Variants in GNAO1 observed in about 807,000 individuals in gnomAD.
GNAO1 encodes the protein G protein subunit alpha o1.
For missense variants in GNAO1, 166 were observed against 478.7 expected (o/e 0.35, Z 6.10); for synonymous variants, 164 against 180.7 (o/e 0.91, Z 0.74).
intron 2 of GNAO1, among the ~76,000 whole-genome samples, chr16:56,210,874 G>A (rs1596798557): frequency 6.6e-6 from 1 of 152,306 alleles, no homozygotes; most frequent in African/African-American, 2.4e-5. Context: ...TGTCTTCTCA[G>A]TCTCTGGTTA....
At chr16:56,234,898 G>C (rs544801420) in intron 2 of GNAO1, 2 of 179,880 alleles carry the variant, frequency 1.1e-5, no homozygotes, top group South Asian at 1.2e-4. Flanking sequence ...CTTTGGGGGT[G>C]GGCAGTGTGT....
intron 2 of GNAO1, among the ~76,000 whole-genome samples, chr16:56,219,409 C>A (rs1469678864): frequency 6.6e-6 from 1 of 152,142 alleles, no homozygotes; most frequent in Non-Finnish European, 1.5e-5. Flanking sequence ...CAAGGCACCC[C>A]ATTGCATCTC....
intron 2 of GNAO1, among the ~76,000 whole-genome samples, chr16:56,242,236 G>T (rs1325634724): frequency 1.3e-5 from 2 of 152,120 alleles, no homozygotes; most frequent in Admixed American, 6.5e-5. Context: ...AATATTTATT[G>T]AATATTCACC....
intron 3 of GNAO1, among the ~76,000 whole-genome samples, chr16:56,296,437 T>C (rs865946771): frequency 3.4e-4 from 51 of 152,176 alleles, no homozygotes; most frequent in Admixed American, 9.8e-4. Context: ...AGTTGAGTTA[T>C]AGTGGCCCTC....
intron 2 of GNAO1, among the ~76,000 whole-genome samples, chr16:56,237,163 T>C (rs1168035110): frequency 1.3e-5 from 2 of 152,234 alleles, no homozygotes; most frequent in Admixed American, 1.3e-4. Flanking sequence ...GTCTCTCTTA[T>C]AATTGTACAT....
At chr16:56,230,892 A>C (rs1264808675) in intron 2 of GNAO1, among the ~76,000 whole-genome samples, 2 of 152,212 alleles carry the variant, frequency 1.3e-5, no homozygotes, top group Non-Finnish European at 2.9e-5. Flanking sequence ...GCCCAGAGAC[A>C]GAAAGGGAGG....
intron 2 of GNAO1, among the ~76,000 whole-genome samples, chr16:56,225,641 G>A (rs1007733976): frequency 6.6e-6 from 1 of 152,072 alleles, no homozygotes; most frequent in Non-Finnish European, 1.5e-5. Flanking sequence ...TGGTGGATAG[G>A]GAATCAATAA....
At chr16:56,227,163 G>T (rs939109498) in intron 2 of GNAO1, among the ~76,000 whole-genome samples, 1 of 152,046 alleles carries the variant, frequency 6.6e-6, no homozygotes, top group African/African-American at 2.4e-5. Context: ...GTTTTTTAAA[G>T]AAAACAAGAA....
intron 2 of GNAO1, among the ~76,000 whole-genome samples, chr16:56,204,621 A>AAC (rs2036309198): frequency 3.3e-5 from 5 of 152,216 alleles, no homozygotes; most frequent in Non-Finnish European, 5.9e-5. Flanking sequence ...GGTGGCGAGC[A>AAC]GGGTTCTGTT....
chr16:56,310,159 A>G (rs1390682821), intron 3 of GNAO1, among the ~76,000 whole-genome samples: 1 of 151,856 alleles, frequency 6.6e-6, no homozygotes, highest in Non-Finnish European at 1.5e-5. Context: ...AAAAAAAAGA[A>G]AGAAAAAAAA....
At chr16:56,295,566 A>G (rs1314646201) in intron 3 of GNAO1, among the ~76,000 whole-genome samples, 1 of 152,018 alleles carries the variant, frequency 6.6e-6, no homozygotes, top group Non-Finnish European at 1.5e-5. Context: ...TCCACCTTTA[A>G]ATCGAAAGCA....
At chr16:56,193,108 C>G (rs1464399088) in intron 2 of GNAO1, 2 of 160,862 alleles carry the variant, frequency 1.2e-5, no homozygotes, top group African/African-American at 4.8e-5. Flanking sequence ...ATGGAGGGGA[C>G]CCAGCCCTAG....
At chr16:56,253,776 G>A (rs2036820994) in intron 2 of GNAO1, among the ~76,000 whole-genome samples, 1 of 152,242 alleles carries the variant, frequency 6.6e-6, no homozygotes, top group African/African-American at 2.4e-5. Context: ...TGGGGGACAT[G>A]TGGCAGCTTG....
intron 6 of GNAO1, chr16:56,344,699 A>G (rs2241953): frequency 0.71 from 695,830 of 985,364 alleles, 246,325 homozygotes; most frequent in African/African-American, 0.81. Context: ...CTCCTGTGTC[A>G]CCTGGGCTGG....
At chr16:56,270,441 CACACAT>C (rs1239618325) in intron 2 of GNAO1, 17 of 152,286 alleles carry the variant, frequency 1.1e-4, no homozygotes, top group African/African-American at 4.1e-4. Context: ...CACACACACA[CACACAT>C]AACACACACA....
intron 2 of GNAO1, among the ~76,000 whole-genome samples, chr16:56,252,562 A>T (rs2143459081): frequency 6.6e-6 from 1 of 152,298 alleles, no homozygotes; most frequent in African/African-American, 2.4e-5. Context: ...CCTCTGAGGA[A>T]TCTTCTAATA....
chr16:56,335,161 A>C (rs2037728540), intron 5 of GNAO1, among the ~76,000 whole-genome samples: 1 of 152,158 alleles, frequency 6.6e-6, no homozygotes, highest in Non-Finnish European at 1.5e-5. Flanking sequence ...GAGGTGGGCT[A>C]CCAGGGGGCC....
intron 2 of GNAO1, among the ~76,000 whole-genome samples, chr16:56,222,811 T>A (rs1373981344): frequency 6.6e-6 from 1 of 152,174 alleles, no homozygotes; most frequent in Non-Finnish European, 1.5e-5. Context: ...GTGACACGGC[T>A]TTGCTGCTAG....
chr16:56,267,840 A>G lies in GNAO1; in HGVS notation c.162-8091A>G, dbSNP rs114198926. Among the ~76,000 whole-genome samples the G allele has an allele frequency of 6.8e-3, 1,037 of 152,330 alleles. 13 individuals carry two copies. Among genetic ancestry groups the G allele is most frequent in the African/African-American group, 0.024 (1,002 of 41,562 alleles). On this transcript the variant is annotated intron_variant, in intron 2 of 8. Coordinates refer to ENST00000262493, the MANE Select transcript of GNAO1 (RefSeq NM_020988.3). ...TAGTAGGTATGCAAATAATATATGA[A>G]AAATGAATTAGGGAATCAATGAATA...
Sources: gnomAD v4.1 joint callset for allele counts (sites outside exome capture counted in the v4.1 genomes callset) on GRCh38, gnomAD v4.1.1 for gene constraint, MANE v1.5 for transcripts, NCBI Gene and HGNC (gene_info 2026-07-23, HGNC 2026-07-21) for gene names.